The following GRAMD4 variants were observed in gnomAD, a reference collection of about 807,000 sequenced individuals.
GRAMD4 encodes the protein GRAM domain containing 4, also known as GRAM domain-containing protein 4.
Under a neutral mutation model 83.9 loss-of-function variants are expected in GRAMD4, and 25 were observed. The ratio of observed to expected loss-of-function variants is 0.30; its 90% CI spans 0.22 to 0.42. GRAMD4 has a LOEUF of 0.42. GRAMD4 is among the 10% of genes least tolerant of loss of function. GRAMD4 has a pLI of 1.00. For synonymous variants in GRAMD4, 336 were observed against 320.9 expected (o/e 1.05, Z -0.50); for missense variants, 593 against 788.7 (o/e 0.75, Z 2.97).
At chr22:46,603,840 C>A (rs909741653) in intron 1 of GRAMD4, among the ~76,000 whole-genome samples, 11 of 152,136 alleles carry the variant, frequency 7.2e-5, no homozygotes, top group Non-Finnish European at 1.6e-4. Flanking sequence ...TTATTGTGTT[C>A]CTCATCTCGC....
chr22:46,676,567 G>T, intron 17 of GRAMD4, 33 bp from the exon 18 acceptor site: 2 of 1,540,880 alleles, frequency 1.3e-6, no homozygotes, highest in Non-Finnish European at 1.8e-6. Flanking sequence ...CCCCAGGAGA[G>T]ACCTGTGGTG....
At chr22:46,671,165 C>G (rs987788921) in intron 13 of GRAMD4, 5 of 452,838 alleles carry the variant, frequency 1.1e-5, no homozygotes, top group Non-Finnish European at 1.9e-5. Context: ...TCGGCCACCA[C>G]GTGGAGGAGG....
At chr22:46,607,624 G>A (rs186895157) in intron 1 of GRAMD4, among the ~76,000 whole-genome samples, 256 of 152,256 alleles carry the variant, frequency 1.7e-3, no homozygotes, top group Non-Finnish European at 2.9e-3. Flanking sequence ...CTCCATCTCC[G>A]CTGCCCGCAC....
At chr22:46,612,057 G>A (rs977050695) in intron 1 of GRAMD4, among the ~76,000 whole-genome samples, 3 of 151,290 alleles carry the variant, frequency 2.0e-5, no homozygotes, top group African/African-American at 7.3e-5. Flanking sequence ...AGGCTGGAGT[G>A]CAGTGGTTCG....
chr22:46,632,970 CCA>C (rs1185435963), intron 2 of GRAMD4, among the ~76,000 whole-genome samples: 1 of 152,222 alleles, frequency 6.6e-6, no homozygotes, highest in Non-Finnish European at 1.5e-5. Flanking sequence ...TTATGGGGAC[CCA>C]CACAGCCCCC....
chr22:46,667,036 C>T (rs1355099395), intron 10 of GRAMD4, among the ~76,000 whole-genome samples, 163 bp downstream of exon 10: 1 of 152,230 alleles, frequency 6.6e-6, no homozygotes, highest in Non-Finnish European at 1.5e-5. Flanking sequence ...GCCAGCCCCT[C>T]CCTAGCCCCA....
chr22:46,663,663 C>T (rs987202603), intron 6 of GRAMD4, among the ~76,000 whole-genome samples, 175 bp from the exon 7 acceptor site: 2 of 152,172 alleles, frequency 1.3e-5, no homozygotes, highest in African/African-American at 2.4e-5. Flanking sequence ...AGGGCCATCC[C>T]GGCGCACCCT....
rs565300726 is a variant in GRAMD4 at position 46,672,092 on chromosome 22, C to T, written c.1085-751C>T. 9.7e-4 allele frequency among the ~76,000 whole-genome samples: 147 copies of T among 152,294 alleles called. No individual in the cohort carries two copies. Among genetic ancestry groups the T allele is most frequent in the African/African-American group, 3.2e-3 (131 of 41,544 alleles). ...CACTGGGAGGGGCACCCGGAGAGAC[C>T]GGAACTCCTGACAGCTTTTGCTGCC... On this transcript the variant is annotated intron_variant, in intron 13 of 18. Coordinates refer to ENST00000406902, the MANE Select transcript of GRAMD4 (RefSeq NM_015124.5). The surrounding 1 kb of genome is among the most constrained non-coding windows in gnomAD (Gnocchi z 4.7).
At chr22:46,637,646 G>A (rs756248081) in intron 2 of GRAMD4, among the ~76,000 whole-genome samples, 194 bp from the exon 3 acceptor site, 6 of 152,174 alleles carry the variant, frequency 3.9e-5, no homozygotes, top group Non-Finnish European at 8.8e-5. Flanking sequence ...AGACAGACAC[G>A]GGTCTTATGC....
rs1423752939 is a variant in GRAMD4, at chr22:46,637,935, T to G, written c.258T>G (p.Ile86Met). Residue 86 changes from isoleucine to methionine, a missense_variant, in exon 3 of 19, where the codon ATT becomes ATG. Ile to Met is a conservative substitution (Grantham distance 10, BLOSUM62 1). This residue lies in a region of GRAMD4 where 312 missense variants were observed against 350.7 expected (regional missense o/e 0.89). Coordinates refer to ENST00000406902, the MANE Select transcript of GRAMD4 (RefSeq NM_015124.5). ...RLNEIKGHLE[I>M]ALLEKHFLQE... is the part of the protein sequence containing the mutation. ...ATGAGATCAAAGGTCACCTGGAAAT[T>G]GCCTTATTGGAAAAACATTTCTTAC... The G allele has an allele frequency of 6.2e-7, 1 of 1,614,020 alleles. No homozygotes were observed. Among genetic ancestry groups the G allele is most frequent in the Middle Eastern group, 1.6e-4 (1 of 6,062 alleles).
upstream of GRAMD4, chr22:46,577,021 GGGCGC>G (rs2081048171): frequency 6.8e-6 from 1 of 146,022 alleles, no homozygotes; most frequent in African/African-American, 2.5e-5. Context: ...GTGGCGCGCG[GGGCGC>G]GGCCCCTTTA....
At chr22:46,625,008 C>A (rs1378296077) in intron 1 of GRAMD4, among the ~76,000 whole-genome samples, 1 of 152,036 alleles carries the variant, frequency 6.6e-6, no homozygotes, top group East Asian at 1.9e-4. Context: ...CTACAGGCGC[C>A]CACCACCACG....
At chr22:46,611,613 G>A (rs903211392) in intron 1 of GRAMD4, among the ~76,000 whole-genome samples, 18 of 152,240 alleles carry the variant, frequency 1.2e-4, no homozygotes, top group African/African-American at 4.1e-4. Context: ...TGTACACTCC[G>A]AGAAAGGCTT....
Position 46,672,802 on chromosome 22 carries a change from G to A in GRAMD4, c.1085-41G>A, listed in dbSNP as rs940595965. On this transcript the variant is annotated intron_variant, in intron 13 of 18. Coordinates refer to ENST00000406902, the MANE Select transcript of GRAMD4 (RefSeq NM_015124.5). This position sits in a 1 kb window ranked among gnomAD's most constrained non-coding sequence, Gnocchi z 4.7. ...TCACCCTGAGTAGACTGGCATAGCT[G>A]CAGAGCTCTAGATGGAGCAGGCTGT... is the stretch of plus-strand genomic sequence containing the variant. 1.9e-6 allele frequency: 3 copies of A among 1,544,576 alleles called. No homozygotes were observed. The highest frequency in any genetic ancestry group is 2.7e-5 in the African/African-American group (2 of 73,436).
rs1292124801 is a variant in GRAMD4 at position 46,621,486 on chromosome 22, C to T, written c.-50+921C>T. 4.0e-5 allele frequency among the ~76,000 whole-genome samples: 6 copies of T among 151,840 alleles called. No homozygotes were observed. Among genetic ancestry groups the T allele is most frequent in the Non-Finnish European group, 8.8e-5 (6 of 67,870 alleles). ...GTGCAGGCGCAGGCTGGAGGCGTAGCCCGGGCCCATCCCTGGCGGTGTGTC... is the reference window on the plus strand; with the variant it reads ...GTGCAGGCGCAGGCTGGAGGCGTAGTCCGGGCCCATCCCTGGCGGTGTGTC... On this transcript the variant is annotated intron_variant, in intron 1 of 18. Transcript: ENST00000406902. This position sits in a 1 kb window ranked among gnomAD's most constrained non-coding sequence, Gnocchi z 5.8.
chr22:46,616,528 T>G (rs1298140343), upstream of GRAMD4, among the ~76,000 whole-genome samples: 11 of 100,080 alleles, frequency 1.1e-4, no homozygotes, highest in South Asian at 7.5e-4. Context: ...AGGTTCCCCC[T>G]TGTGTAGGTT....
chr22:46,587,207 G>A (rs150311443), intron 1 of GRAMD4, among the ~76,000 whole-genome samples: 1 of 152,340 alleles, frequency 6.6e-6, no homozygotes, highest in African/African-American at 2.4e-5. Flanking sequence ...TGTGGAGCGT[G>A]TGTGCCCGCT....
upstream of GRAMD4, among the ~76,000 whole-genome samples, chr22:46,617,099 A>G (rs1440572895): frequency 6.1e-4 from 27 of 44,210 alleles, no homozygotes; most frequent in East Asian, 1.9e-3. Flanking sequence ...CCCATGTGTA[A>G]GTTCCCCTGT....
At chr22:46,610,371 G>A (rs1001792687) in intron 1 of GRAMD4, among the ~76,000 whole-genome samples, 21 of 152,334 alleles carry the variant, frequency 1.4e-4, no homozygotes, top group Admixed American at 1.3e-3. Flanking sequence ...GTCAGTGACA[G>A]CCCACGGACC....
Sources: allele counts gnomAD v4.1 joint callset (sites outside exome capture counted in the v4.1 genomes callset), GRCh38; gene constraint gnomAD v4.1.1; regional missense constraint gnomAD v4.1.1; non-coding constraint Gnocchi (gnomAD v3.1); transcripts MANE v1.5; gene names NCBI Gene and HGNC (gene_info 2026-07-23, HGNC 2026-07-21).